The following MTG1 variants were observed in gnomAD, a reference collection of about 807,000 sequenced individuals.
MTG1 encodes the protein mitochondrial ribosome-associated GTPase 1.
A neutral mutation model predicts 39.5 loss-of-function variants in MTG1; 30 were observed. That is an observed-to-expected ratio of 0.76 (90% confidence interval 0.57 to 1.03). The LOEUF is 1.03. Among genes scored for constraint, MTG1 ranks in the 50% least tolerant of loss-of-function variants. The probability of loss-of-function intolerance (pLI) is 0.00; values close to 1 mark genes in which losing one functional copy is unlikely to be tolerated. For synonymous variants in MTG1, 217 were observed against 179.0 expected, an observed-to-expected ratio of 1.21 and a Z score of -1.69; for missense variants, 513 against 447.4, an observed-to-expected ratio of 1.15 and a Z score of -1.32.
At chr10:133,416,592 C>T (rs1264195273) in intron 9 of MTG1, among the ~76,000 whole-genome samples, 2 of 132,026 alleles carry the variant, frequency 1.5e-5, no homozygotes, top group Non-Finnish European at 3.1e-5. Flanking sequence ...TGTGATGTTC[C>T]CCTTCCTGTG....
chr10:133,410,172 A>C (rs991825122), intron 9 of MTG1, among the ~76,000 whole-genome samples: 2 of 151,954 alleles, frequency 1.3e-5, no homozygotes, highest in Non-Finnish European at 2.9e-5. Context: ...CAGCCTCCTG[A>C]TAGTTAGGAC....
At chr10:133,419,405 A>C in intron 9 of MTG1, 75 bp from the exon 10 acceptor site, 1 of 1,299,354 alleles carries the variant, frequency 7.7e-7, no homozygotes. Context: ...GGCATTCAGG[A>C]GGAAGGGCCC....
Position 133,421,095 on chromosome 10 carries a change from G to T in MTG1, c.*930G>T, listed in dbSNP as rs1273944387. 6.6e-6 allele frequency: 1 copy of T among 152,468 alleles called. No homozygotes were observed. Among genetic ancestry groups the T allele is most frequent in the Non-Finnish European group, 1.5e-5 (1 of 68,260 alleles). The allele number at this position is 152,468 out of a possible 1,614,324, so 9.4% of individuals were successfully genotyped here. A position where few individuals can be genotyped will look rare whatever the true frequency, so the allele number is the denominator to read the frequency against. ...AAGCTCCGGCTGCCTCTTTGCGGTGGTGGCCTGACCGTCCCACAGCAGCCT... is the reference window on the plus strand; with the variant it reads ...AAGCTCCGGCTGCCTCTTTGCGGTGTTGGCCTGACCGTCCCACAGCAGCCT... On this transcript the variant is annotated 3_prime_UTR_variant, in exon 11 of 11. Transcript: ENST00000317502.
At chr10:133,400,108 C>T (rs570772065) in intron 6 of MTG1, among the ~76,000 whole-genome samples, 221 of 152,072 alleles carry the variant, frequency 1.5e-3, no homozygotes, top group African/African-American at 4.2e-3. Flanking sequence ...AGGAGAATGG[C>T]GTGAACCCGG....
chr10:133,399,783 C>A, intron 6 of MTG1, 164 bp downstream of exon 6: 1 of 616,984 alleles, frequency 1.6e-6, no homozygotes, highest in Non-Finnish European at 2.8e-6. Flanking sequence ...GTCCAGTTCA[C>A]AGGAGGGCTG....
chr10:133,406,684 G>A (rs78107844), intron 9 of MTG1, among the ~76,000 whole-genome samples: 2 of 30,686 alleles, frequency 6.5e-5, no homozygotes, highest in Non-Finnish European at 7.9e-5. Flanking sequence ...TTTTTTTTTT[G>A]AGAAGGAGTC....
rs1162249117 is a variant in MTG1, at chr10:133,395,789, C to G, written c.177+12C>G. On this transcript the variant is annotated intron_variant, in intron 2 of 10. Coordinates refer to ENST00000317502, the MANE Select transcript of MTG1 (RefSeq NM_138384.4). Reference sequence around the variant, plus strand: ...TCCACGATGCCCGGATATCCTTTCACAGAGCAGGGGAGGCCCCTCTGCCTG... The same window carrying G: ...TCCACGATGCCCGGATATCCTTTCAGAGAGCAGGGGAGGCCCCTCTGCCTG... The G allele has an allele frequency of 1.9e-6, 3 of 1,613,716 alleles. No homozygotes were observed. Among genetic ancestry groups the G allele is most frequent in the Non-Finnish European group, 2.5e-6 (3 of 1,179,720 alleles).
Position 133,420,859 on chromosome 10 carries a change from C to A in MTG1, c.*694C>A, listed in dbSNP as rs1408748101. ...GGCCGCCCGGCATGGGCAGTAGAGA[C>A]CCCTGGCCTCTGAGCACCTTCTAGC... On this transcript the variant is annotated 3_prime_UTR_variant, in exon 11 of 11. Coordinates refer to ENST00000317502, the MANE Select transcript of MTG1 (RefSeq NM_138384.4). 3 of 152,420 alleles carry A rather than the reference C, an allele frequency of 2.0e-5. No individual in the cohort carries two copies. Among genetic ancestry groups the A allele is most frequent in the Admixed American group, 6.5e-5 (1 of 15,294 alleles). The allele number at this position is 152,420 out of a possible 1,614,324, so 9.4% of individuals were successfully genotyped here.
chr10:133,418,545 C>G (rs1008265058), intron 9 of MTG1, among the ~76,000 whole-genome samples: 2 of 152,014 alleles, frequency 1.3e-5, no homozygotes, highest in South Asian at 2.1e-4. Flanking sequence ...ATTCAGAGCT[C>G]ATGCTTGGTG....
intron 9 of MTG1, among the ~76,000 whole-genome samples, chr10:133,413,837 A>G (rs545935874): frequency 1.3e-5 from 2 of 152,222 alleles, no homozygotes; most frequent in African/African-American, 4.8e-5. Context: ...TTAAAGAAAT[A>G]TAAAATACCA....
At chr10:133,401,966 T>G in intron 7 of MTG1, 183 bp from the exon 8 acceptor site, 1 of 618,616 alleles carries the variant, frequency 1.6e-6, no homozygotes, top group Non-Finnish European at 2.8e-6. Context: ...ATTCTCCAAA[T>G]TAAGTGGGAA....
chr10:133,395,413 C>T (rs574447767), intron 1 of MTG1, among the ~76,000 whole-genome samples: 7 of 152,214 alleles, frequency 4.6e-5, no homozygotes, highest in Admixed American at 1.3e-4. Context: ...AAAAAGCGAC[C>T]CATGCACGTT....
intron 9 of MTG1, among the ~76,000 whole-genome samples, chr10:133,405,475 C>T (rs908483413): frequency 2.0e-5 from 3 of 152,198 alleles, no homozygotes; most frequent in Admixed American, 6.5e-5. Context: ...CCGAACTATT[C>T]ATTAATCAAC....
chr10:133,394,616 C>G, intron 1 of MTG1: 1 of 1,280,732 alleles, frequency 7.8e-7, no homozygotes, highest in Non-Finnish European at 9.9e-7. Context: ...CCGCCCCTGT[C>G]CTCTGTTCCC....
chr10:133,418,647 G>T (rs1037298529), intron 9 of MTG1, among the ~76,000 whole-genome samples: 2 of 152,064 alleles, frequency 1.3e-5, no homozygotes, highest in Non-Finnish European at 2.9e-5. Flanking sequence ...TGGGCCTTGG[G>T]GTGAGTCCTC....
At position 133,421,854 on chromosome 10, in the gene MTG1, G is replaced by A. The variant is rs1271022898; in HGVS notation, c.*1689G>A. ...CCAGGAGGGATGCAGTCCGGCTGAG[G>A]GCGAGGCTGTCCCCAGGACATGGAG... On this transcript the variant is annotated 3_prime_UTR_variant, in exon 11 of 11. Coordinates refer to ENST00000317502, the MANE Select transcript of MTG1 (RefSeq NM_138384.4). 6.6e-6 allele frequency: 1 copy of A among 151,490 alleles called. No homozygotes were observed. The highest frequency in any genetic ancestry group is 6.7e-5 in the Admixed American group (1 of 14,942). 9.4% of individuals were successfully genotyped at this position (151,490 alleles called of 1,614,324 possible). A position where few individuals can be genotyped will look rare whatever the true frequency, so the allele number is the denominator to read the frequency against.
At chr10:133,398,166 C>G (rs1407673979) in intron 3 of MTG1, among the ~76,000 whole-genome samples, 2 of 152,196 alleles carry the variant, frequency 1.3e-5, no homozygotes, top group African/African-American at 4.8e-5. Flanking sequence ...TACTTTAGGT[C>G]AGATGATTAA....
chr10:133,405,016 A>G (rs1433870563), intron 9 of MTG1, among the ~76,000 whole-genome samples: 1 of 152,154 alleles, frequency 6.6e-6, no homozygotes, highest in Non-Finnish European at 1.5e-5. Flanking sequence ...TTGTATTCTC[A>G]TGCATTTTTC....
At chr10:133,403,631 G>A (rs889804028) in intron 9 of MTG1, among the ~76,000 whole-genome samples, 1 of 152,196 alleles carries the variant, frequency 6.6e-6, no homozygotes, top group African/African-American at 2.4e-5. Flanking sequence ...GTTGCCAGGC[G>A]GTTTCAGTGT....
Sources: gnomAD v4.1 joint callset for allele counts (sites outside exome capture counted in the v4.1 genomes callset) on GRCh38, gnomAD v4.1.1 for gene constraint, MANE v1.5 for transcripts, NCBI Gene and HGNC (gene_info 2026-07-23, HGNC 2026-07-21) for gene names.